RBFOX3: variants seen among roughly 807,000 people sequenced by gnomAD.
RBFOX3 encodes the protein RNA binding fox-1 homolog 3.
A neutral mutation model predicts 48.7 loss-of-function variants in RBFOX3; 17 were observed. That is an observed-to-expected ratio of 0.35 (90% CI 0.24 to 0.52). The LOEUF (loss-of-function observed/expected upper bound fraction) is 0.52. Among genes scored for constraint, RBFOX3 ranks in the 20% least tolerant of loss-of-function variants. RBFOX3 has a pLI of 0.94. For synonymous variants in RBFOX3, 212 were observed against 209.5 expected, an observed-to-expected ratio of 1.01 and a Z score of -0.10; for missense variants, 382 against 497.5, an observed-to-expected ratio of 0.77 and a Z score of 2.21.
Position 79,431,297 on chromosome 17 carries a change from T to C in RBFOX3, c.-175+51157A>G, listed in dbSNP as rs548070250. Among the ~76,000 whole-genome samples, 6 of 152,264 alleles carry C rather than the reference T, an allele frequency of 3.9e-5. No individual in the cohort carries two copies. The East Asian group carries it at 5.8e-4, about 15-fold the overall frequency. On this transcript the variant is annotated intron_variant, in intron 2 of 14. Coordinates refer to ENST00000693108, the MANE Select transcript of RBFOX3 (RefSeq NM_001350451.2). ...TTCCTAGGGGAAACACATGGTTAGG[T>C]TCCCAAGAGCCTCTGACCACATTTT...
chr17:79,112,912 G>A (rs545289856), intron 5 of RBFOX3, among the ~76,000 whole-genome samples: 1 of 135,930 alleles, frequency 7.4e-6, no homozygotes, highest in Non-Finnish European at 1.6e-5. Flanking sequence ...CTCGGGGGGG[G>A]GGTGGGCTGG....
intron 2 of RBFOX3, among the ~76,000 whole-genome samples, chr17:79,412,490 C>T (rs536226261): frequency 1.3e-3 from 198 of 149,656 alleles, no homozygotes; most frequent in Non-Finnish European, 2.2e-3. Flanking sequence ...CATATGTATA[C>T]ATGTATGAGG....
chr17:79,314,191 C>T (rs969970011), intron 2 of RBFOX3, among the ~76,000 whole-genome samples: 2 of 152,300 alleles, frequency 1.3e-5, no homozygotes, highest in Non-Finnish European at 2.9e-5. Flanking sequence ...TGCTCTAAAT[C>T]TTTCTGAGGT....
intron 3 of RBFOX3, among the ~76,000 whole-genome samples, chr17:79,285,119 AAAG>A (rs2144616990): frequency 6.6e-6 from 1 of 152,328 alleles, no homozygotes; most frequent in South Asian, 2.1e-4. Flanking sequence ...GGAGGATGAG[AAAG>A]AAGATGCTTG....
intron 5 of RBFOX3, 121 bp from the exon 6 acceptor site, chr17:79,106,909 C>G (rs1235017481): frequency 3.1e-6 from 4 of 1,293,166 alleles, no homozygotes; most frequent in African/African-American, 1.6e-5. Context: ...GCCTCTCCCC[C>G]ATCCCTGGGC....
chr17:79,120,235 C>T (rs1358005407), intron 4 of RBFOX3, among the ~76,000 whole-genome samples: 3 of 152,204 alleles, frequency 2.0e-5, no homozygotes, highest in Non-Finnish European at 2.9e-5. Flanking sequence ...TATCCCTGCA[C>T]TCAGCACAGC....
intron 4 of RBFOX3, among the ~76,000 whole-genome samples, chr17:79,160,034 G>T (rs1279695439): frequency 6.6e-6 from 1 of 152,254 alleles, no homozygotes; most frequent in African/African-American, 2.4e-5. Context: ...CCTGGCCCCA[G>T]GAAGGGCCAA....
chr17:79,456,304 C>A (rs1330139433), intron 2 of RBFOX3, among the ~76,000 whole-genome samples: 1 of 152,174 alleles, frequency 6.6e-6, no homozygotes, highest in Non-Finnish European at 1.5e-5. Context: ...CACTCTGACC[C>A]TGTCTGTCCC....
intron 1 of RBFOX3, among the ~76,000 whole-genome samples, chr17:79,566,199 A>G: frequency 6.6e-6 from 1 of 152,212 alleles, no homozygotes; most frequent in Non-Finnish European, 1.5e-5. Flanking sequence ...TGTTTCTTCT[A>G]CTTGTTAATC....
At chr17:79,402,266 G>C (rs746252577) in intron 2 of RBFOX3, among the ~76,000 whole-genome samples, 37 of 152,228 alleles carry the variant, frequency 2.4e-4, no homozygotes, top group Non-Finnish European at 4.7e-4. Flanking sequence ...CAAACGACCT[G>C]CGAACTGAAT....
chr17:79,457,303 C>T (rs921394368), intron 2 of RBFOX3, among the ~76,000 whole-genome samples: 1 of 152,338 alleles, frequency 6.6e-6, no homozygotes, highest in African/African-American at 2.4e-5. Context: ...AGGACACAGG[C>T]TGGAATCAAT....
At chr17:79,408,332 C>T (rs907908) in intron 2 of RBFOX3, among the ~76,000 whole-genome samples, 8 of 152,226 alleles carry the variant, frequency 5.3e-5, no homozygotes, top group African/African-American at 1.2e-4. Flanking sequence ...GCAGCCCCCA[C>T]GCAGCACTGA....
At chr17:79,620,178 CACACAT>C in the RBFOX3 span, among the ~76,000 whole-genome samples, 2 of 142,828 alleles carry the variant, frequency 1.4e-5, no homozygotes, top group East Asian at 7.1e-4. Context: ...CACACATGCA[CACACAT>C]GTGCACATGC....
intron 2 of RBFOX3, among the ~76,000 whole-genome samples, chr17:79,314,827 C>T (rs1236871119): frequency 6.6e-6 from 1 of 152,142 alleles, no homozygotes; most frequent in Non-Finnish European, 1.5e-5. Flanking sequence ...AATCGATGCT[C>T]AGAGCGGCCT....
intron 4 of RBFOX3, among the ~76,000 whole-genome samples, chr17:79,162,389 G>A (rs1039361015): frequency 3.9e-5 from 6 of 152,168 alleles, no homozygotes; most frequent in Non-Finnish European, 5.9e-5. Context: ...GGTGAGTGGA[G>A]TGCCGCGCCC....
At chr17:79,222,490 G>A (rs1475405183) in intron 4 of RBFOX3, among the ~76,000 whole-genome samples, 2 of 152,208 alleles carry the variant, frequency 1.3e-5, no homozygotes, top group Admixed American at 1.3e-4. Context: ...AGAGCTCTGG[G>A]GACTCTGAGT....
intron 2 of RBFOX3, among the ~76,000 whole-genome samples, chr17:79,371,029 C>T (rs1253032398): frequency 1.3e-5 from 2 of 152,090 alleles, no homozygotes; most frequent in East Asian, 1.9e-4. Flanking sequence ...GGGGGACATG[C>T]ACGGCAGGGG....
intron 1 of RBFOX3, among the ~76,000 whole-genome samples, chr17:79,595,837 G>A (rs1047704162): frequency 1.3e-5 from 2 of 152,190 alleles, no homozygotes; most frequent in Non-Finnish European, 2.9e-5. Flanking sequence ...AATATGCAGC[G>A]CATTCACAGG....
intron 2 of RBFOX3, among the ~76,000 whole-genome samples, chr17:79,427,770 C>A (rs1206134333): frequency 6.6e-6 from 1 of 152,280 alleles, no homozygotes; most frequent in African/African-American, 2.4e-5. Context: ...CCCACCTGCA[C>A]ACGCACAGAT....
Sources: allele counts gnomAD v4.1 joint callset (sites outside exome capture counted in the v4.1 genomes callset), GRCh38; gene constraint gnomAD v4.1.1; transcripts MANE v1.5; gene names NCBI Gene and HGNC (gene_info 2026-07-23, HGNC 2026-07-21).